Variants in SECISBP2 observed in about 807,000 individuals in gnomAD.
The protein encoded by SECISBP2 is SECIS binding protein 2.
In SECISBP2, 96 loss-of-function variants were observed where a neutral mutation model predicts 98.2. The ratio of observed to expected loss-of-function variants is 0.98; its 90% CI spans 0.83 to 1.16. The LOEUF is 1.16. Among genes scored for constraint, SECISBP2 ranks in the 50% most tolerant of loss-of-function variants. The pLI, the probability that SECISBP2 is intolerant of heterozygous loss-of-function variation, is 0.00. For missense variants in SECISBP2, 1,046 were observed against 1,022.9 expected, an observed-to-expected ratio of 1.02 and a Z score of -0.31; for synonymous variants, 407 against 370.2, an observed-to-expected ratio of 1.10 and a Z score of -1.14.
At chr9:89,351,119 G>A (rs1244822986) in intron 14 of SECISBP2, among the ~76,000 whole-genome samples, 1 of 152,216 alleles carries the variant, frequency 6.6e-6, no homozygotes, top group East Asian at 1.9e-4. Flanking sequence ...GGAAAGACCT[G>A]CCTCTGTTGT....
At position 89,357,482 on chromosome 9, in the gene SECISBP2, C is replaced by G; in HGVS notation, c.2185C>G (p.Leu729Val). 2 of 1,614,192 alleles carry G rather than the reference C, an allele frequency of 1.2e-6. No individual in the cohort carries two copies. The highest frequency in any genetic ancestry group is 1.7e-6 in the Non-Finnish European group (2 of 1,180,034). Residue 729 changes from leucine (L) to valine (V), a missense_variant, in exon 15 of 17, where the codon CTC becomes GTC. Leu to Val is a conservative substitution (Grantham distance 32, BLOSUM62 1). Transcript: ENST00000375807. ...GCAGAACATTCCCTTTGTGTTTGCT[C>G]TCAACCGCAAAGCTCTGGGGCGCAG... ...CEQNIPFVFA[L>V]NRKALGRSLN... is the part of the protein sequence containing the mutation.
chr9:89,323,130 T>A (rs1480353526), intron 2 of SECISBP2: 1 of 152,178 alleles, frequency 6.6e-6, no homozygotes, highest in Non-Finnish European at 1.5e-5. Flanking sequence ...ATGGAAATAA[T>A]TGTAGGATCA....
intron 13 of SECISBP2, 71 bp from the exon 14 acceptor site, chr9:89,350,561 G>T: frequency 7.5e-7 from 1 of 1,336,762 alleles, no homozygotes; most frequent in Non-Finnish European, 1.1e-6. Flanking sequence ...CTTCTCCCTG[G>T]GGTGGGATGG....
chr9:89,325,327 C>G (rs1826505592), intron 2 of SECISBP2, 100 bp from the exon 3 acceptor site: 4 of 1,148,958 alleles, frequency 3.5e-6, no homozygotes, highest in South Asian at 1.3e-5. Flanking sequence ...AGTGAATGGT[C>G]TCAGAAATAT....
intron 7 of SECISBP2, among the ~76,000 whole-genome samples, chr9:89,335,076 C>T (rs1416908626): frequency 6.6e-6 from 1 of 151,864 alleles, no homozygotes; most frequent in Non-Finnish European, 1.5e-5. Context: ...ATTACCTGGG[C>T]ATGGTGGCGG....
chr9:89,353,841 G>A (rs2132038214), intron 14 of SECISBP2, among the ~76,000 whole-genome samples: 1 of 152,290 alleles, frequency 6.6e-6, no homozygotes, highest in East Asian at 1.9e-4. Context: ...AGCATCATAA[G>A]GATTTGTTGT....
intron 6 of SECISBP2, chr9:89,333,881 T>C (rs1828184407): frequency 4.7e-6 from 1 of 214,540 alleles, no homozygotes; most frequent in African/African-American, 2.4e-5. Flanking sequence ...TGAGTAATGG[T>C]CTGTACTTCA....
rs892998074 is a variant in SECISBP2 at position 89,334,865 on chromosome 9, G to A, written c.1089+135G>A. On this transcript the variant is annotated intron_variant, in intron 7 of 16. Coordinates refer to ENST00000375807, the MANE Select transcript of SECISBP2 (RefSeq NM_024077.5). Reference sequence around the variant, plus strand: ...AAATGAGTTTCTGAAGATGGATGGTGATGATGGTTGCACAACAGTGAGTGT... The same window carrying A: ...AAATGAGTTTCTGAAGATGGATGGTAATGATGGTTGCACAACAGTGAGTGT... 4.2e-6 allele frequency: 3 copies of A among 715,986 alleles called. No homozygotes were observed. The African/African-American group carries it at 5.3e-5, about 13-fold the overall frequency. The allele number at this position is 715,986 out of a possible 1,614,324, so 44.4% of individuals were successfully genotyped here.
chr9:89,339,708 A>C (rs1023913828), intron 8 of SECISBP2, among the ~76,000 whole-genome samples, 156 bp from the exon 9 acceptor site: 4 of 152,180 alleles, frequency 2.6e-5, no homozygotes, highest in African/African-American at 7.2e-5. Flanking sequence ...CTCTAAGTTA[A>C]ATAAAGCAGA....
chr9:89,327,158 C>T (rs1826861465), intron 4 of SECISBP2, among the ~76,000 whole-genome samples: 4 of 150,046 alleles, frequency 2.7e-5, no homozygotes, highest in South Asian at 2.1e-4. Context: ...AGCGAGACTC[C>T]GTCTCCAAAA....
chr9:89,347,819 A>G (rs1830653599), intron 11 of SECISBP2, among the ~76,000 whole-genome samples: 1 of 152,104 alleles, frequency 6.6e-6, no homozygotes, highest in Admixed American at 6.5e-5. Context: ...GTGCTCAGGC[A>G]AGTGCTGAGC....
At chr9:89,357,703 AGAAC>A in intron 15 of SECISBP2, 138 bp downstream of exon 15, 1 of 1,061,294 alleles carries the variant, frequency 9.4e-7, no homozygotes, top group Non-Finnish European at 1.4e-6. Context: ...CCACTTAGGC[AGAAC>A]CTTCTTATAA....
In SECISBP2 at chr9:89,341,054, C is replaced by G. The variant is rs186369774; in HGVS notation, c.1303-293C>G. 1.0e-3 allele frequency among the ~76,000 whole-genome samples: 154 copies of G among 152,082 alleles called. No homozygotes were observed. The Middle Eastern group carries it at 0.027, about 27-fold the overall frequency. ...TGTAGCCAAAGACTTTATACAAGTG[C>G]TAGTGTCTTGCCTGTAGATGTGTAT... is the stretch of plus-strand genomic sequence containing the variant. On this transcript the variant is annotated intron_variant, in intron 9 of 16. Transcript: ENST00000375807.
At chr9:89,326,404 G>A (rs1395657455) in intron 4 of SECISBP2, among the ~76,000 whole-genome samples, 1 of 152,194 alleles carries the variant, frequency 6.6e-6, no homozygotes, top group Non-Finnish European at 1.5e-5. Context: ...TCATGTAGCT[G>A]CAGCCTACCT....
intron 10 of SECISBP2, among the ~76,000 whole-genome samples, chr9:89,345,708 G>C (rs76367332): frequency 0.025 from 3,804 of 152,056 alleles, 162 homozygotes; most frequent in East Asian, 0.16. Context: ...GCTTGTGGCA[G>C]GTTTTGCAGG....
intron 5 of SECISBP2, chr9:89,329,580 G>C (rs1015372660): frequency 1.3e-5 from 2 of 152,572 alleles, no homozygotes; most frequent in African/African-American, 4.8e-5. Flanking sequence ...TCCTGCCTCA[G>C]CCTCCGGAGT....
intron 10 of SECISBP2, among the ~76,000 whole-genome samples, chr9:89,344,121 G>A (rs1830094118): frequency 6.6e-6 from 1 of 152,190 alleles, no homozygotes; most frequent in African/African-American, 2.4e-5. Context: ...TATGTCTCTT[G>A]AAAAGTGTCT....
Position 89,349,880 on chromosome 9 carries a change from GCT to G in SECISBP2, c.1845_1846del (p.Pro616GlnfsTer7). 1 of 1,614,210 alleles carries G rather than the reference GCT, an allele frequency of 6.2e-7. No homozygotes were observed. Among genetic ancestry groups the G allele is most frequent in the Non-Finnish European group, 8.5e-7 (1 of 1,180,030 alleles). ...LQRDTEASHL[A>X]PNHTTFPKIH... is the part of the protein sequence containing the mutation. ...GAGGGACACAGAGGCCTCCCACCTTGCTCCCAATCACACCACCTTCCCTAAGA... is the reference window on the plus strand; with the variant it reads ...GAGGGACACAGAGGCCTCCCACCTTGCCCAATCACACCACCTTCCCTAAGA... On this transcript the variant is annotated frameshift_variant, in exon 13 of 17. Coordinates refer to ENST00000375807, the MANE Select transcript of SECISBP2 (RefSeq NM_024077.5). LOFTEE classifies it high-confidence loss of function.
intron 4 of SECISBP2, among the ~76,000 whole-genome samples, chr9:89,327,288 A>G (rs372725471): frequency 3.9e-5 from 6 of 152,318 alleles, no homozygotes; most frequent in African/African-American, 1.4e-4. Context: ...GTGAAGGCCT[A>G]GGGTGTTACT....
Sources: allele counts gnomAD v4.1 joint callset (sites outside exome capture counted in the v4.1 genomes callset), GRCh38; gene constraint gnomAD v4.1.1; transcripts MANE v1.5; gene names NCBI Gene and HGNC (gene_info 2026-07-23, HGNC 2026-07-21).